KLC2: variants seen among roughly 807,000 people sequenced by gnomAD.
KLC2 encodes the protein kinesin light chain 2.
A neutral mutation model predicts 75.1 loss-of-function variants in KLC2; 35 were observed. The ratio of observed to expected loss-of-function variants is 0.47; its 90% confidence interval spans 0.36 to 0.62. The LOEUF (loss-of-function observed/expected upper bound fraction) is 0.62. KLC2 is among the 20% of genes least tolerant of loss of function. The probability of loss-of-function intolerance (pLI) is 0.00; values close to 1 mark genes in which losing one functional copy is unlikely to be tolerated. For synonymous variants in KLC2, 314 were observed against 336.7 expected (o/e 0.93, Z 0.74); for missense variants, 611 against 833.2 (o/e 0.73, Z 3.28).
the KLC2 span, among the ~76,000 whole-genome samples, chr11:66,250,440 A>G: frequency 3.3e-5 from 5 of 152,142 alleles, no homozygotes; most frequent in Admixed American, 6.5e-5. Context: ...GACTCAGGCC[A>G]TATCTCAGGG....
upstream of KLC2, among the ~76,000 whole-genome samples, chr11:66,254,094 C>T (rs932296981): frequency 2.6e-5 from 4 of 152,046 alleles, no homozygotes; most frequent in Non-Finnish European, 4.4e-5. Flanking sequence ...TGGTGGCAGG[C>T]GCCTGTAATC....
In KLC2 at chr11:66,264,437, T is replaced by C. The variant is rs959821525; in HGVS notation, c.1209T>C (p.Ser403=). The part of the protein sequence containing the change: ...LTRAHEKEFG[S]VNGDNKPIWM... ...GCGCTCATGAGAAAGAGTTTGGCTC[T>C]GTCAATGGTGAGTGCGTGGTCACCA... Residue 403 remains serine (S), a synonymous_variant, in exon 9 of 16, where the codon TCT becomes TCC. Transcript: ENST00000394067. The C allele has an allele frequency of 2.8e-5, 45 of 1,611,796 alleles. No homozygotes were observed. The highest frequency in any genetic ancestry group is 3.7e-5 in the Non-Finnish European group (44 of 1,178,654).
At position 66,258,846 on chromosome 11, in the gene KLC2, G is replaced by A. The variant is rs761031622; in HGVS notation, c.228+24G>A. The A allele has an allele frequency of 5.9e-6, 9 of 1,536,186 alleles. No individual in the cohort carries two copies. In the East Asian group the frequency reaches 1.4e-4, roughly 23 times the overall value. ...AGGTAGGTCAGTCTGGGGCACTGAG[G>A]TGGGAGGTCACTGGAGGGATCGAGC... On this transcript the variant is annotated intron_variant, in intron 2 of 15. Coordinates refer to ENST00000394067, the MANE Select transcript of KLC2 (RefSeq NM_001318734.2).
In KLC2 at chr11:66,263,772, G is replaced by A. The variant is rs1158157849; in HGVS notation, c.840+25G>A. The stretch of plus-strand genomic sequence containing the variant: ...CGTGAGTGAGGGTTGGGTGGGAGGT[G>A]GGGGCTGTGCCCCATCCCCTGCAGG... On this transcript the variant is annotated intron_variant, in intron 6 of 15. Coordinates refer to ENST00000394067, the MANE Select transcript of KLC2 (RefSeq NM_001318734.2). 2.5e-6 allele frequency: 4 copies of A among 1,605,160 alleles called. No individual in the cohort carries two copies. The East Asian group carries it at 8.9e-5, about 36-fold the overall frequency.
intron 4 of KLC2, 130 bp downstream of exon 4, chr11:66,262,322 A>G: frequency 1.4e-6 from 1 of 723,070 alleles, no homozygotes; most frequent in South Asian, 1.7e-5. Flanking sequence ...TAGAGCTTCA[A>G]GAACAGTTGT....
chr11:66,248,813 G>A, the KLC2 span, among the ~76,000 whole-genome samples: 1 of 152,164 alleles, frequency 6.6e-6, no homozygotes, highest in African/African-American at 2.4e-5. Context: ...GTTCACTGCA[G>A]CCTGGAACTC....
At chr11:66,264,587 G>A (rs1453127583) in intron 9 of KLC2, 143 bp downstream of exon 9, 1 of 685,222 alleles carries the variant, frequency 1.5e-6, no homozygotes, top group Non-Finnish European at 2.6e-6. Context: ...ATGGTGCCCA[G>A]CCACCTGTGC....
chr11:66,263,854 G>A lies in KLC2; in HGVS notation c.844G>A (p.Ala282Thr). ...KTLGKDHPAV[A>T]ATLNNLAVLY... ...GCTTCCGTTCTCCCACCTCCAGGTG[G>A]CTGCGACACTAAACAACCTGGCAGT... The change falls in exon 7 of 16, where the codon GCT becomes ACT. Residue 282 changes from alanine to threonine, a missense_variant. Transcript: ENST00000394067. 6.2e-7 allele frequency: 1 copy of A among 1,614,010 alleles called. No individual in the cohort carries two copies. Among genetic ancestry groups the A allele is most frequent in the Non-Finnish European group, 8.5e-7 (1 of 1,179,846 alleles).
Position 66,263,748 on chromosome 11 carries a change from G to A in KLC2, c.840+1G>A. Reference sequence around the variant, plus strand: ...AACACTGGGCAAGGACCACCCAGCCGTGAGTGAGGGTTGGGTGGGAGGTGG... The same window carrying A: ...AACACTGGGCAAGGACCACCCAGCCATGAGTGAGGGTTGGGTGGGAGGTGG... On this transcript the variant is annotated splice_donor_variant, in intron 6 of 15. Coordinates refer to ENST00000394067, the MANE Select transcript of KLC2 (RefSeq NM_001318734.2). LOFTEE classifies it high-confidence loss of function. 4 of 1,611,972 alleles carry A rather than the reference G, an allele frequency of 2.5e-6. No homozygotes were observed. Among genetic ancestry groups the A allele is most frequent in the Non-Finnish European group, 3.4e-6 (4 of 1,178,006 alleles).
At chr11:66,258,236 C>T in intron 1 of KLC2, 1 of 224,980 alleles carries the variant, frequency 4.4e-6, no homozygotes, top group Non-Finnish European at 8.8e-6. Context: ...GCCCGGATCG[C>T]CGGAGGGGCC....
chr11:66,265,573 C>T, intron 11 of KLC2, 82 bp from the exon 12 acceptor site: 1 of 1,174,504 alleles, frequency 8.5e-7, no homozygotes. Flanking sequence ...GTCCATGCTT[C>T]CTCAGGGCCC....
intron 9 of KLC2, 22 bp from the exon 10 acceptor site, chr11:66,265,001 A>G (rs1363190928): frequency 6.2e-7 from 1 of 1,612,144 alleles, no homozygotes; most frequent in Non-Finnish European, 8.5e-7. Context: ...TAGGCTGGTG[A>G]CAGTCCCCTT....
Position 66,265,760 on chromosome 11 carries a change from G to A in KLC2, c.1440G>A (p.Lys480=). 6.2e-7 allele frequency: 1 copy of A among 1,613,562 alleles called. No homozygotes were observed. Among genetic ancestry groups the A allele is most frequent in the Non-Finnish European group, 8.5e-7 (1 of 1,179,690 alleles). ...TLEDCASRNR[K]QGLDPASQTK... ...AGGACTGTGCCAGCCGTAACCGCAA[G>A]CAGGTGGGGCTCCATGCAGGAGGGG... The change falls in exon 12 of 16, where the codon AAG becomes AAA. Residue 480 remains lysine, a synonymous_variant. Coordinates refer to ENST00000394067, the MANE Select transcript of KLC2 (RefSeq NM_001318734.2).
chr11:66,266,570 C>T (rs1229139511), intron 15 of KLC2, 80 bp downstream of exon 15: 2 of 1,371,734 alleles, frequency 1.5e-6, no homozygotes, highest in South Asian at 2.3e-5. Context: ...CTCCAGCATG[C>T]CTCTTCATCC....
At chr11:66,258,420 C>A (rs1590855073) in intron 1 of KLC2, 164 bp from the exon 2 acceptor site, 1 of 597,496 alleles carries the variant, frequency 1.7e-6, no homozygotes, top group East Asian at 2.8e-5. Context: ...AAGCTAGGCG[C>A]GCCCTCTGTA....
chr11:66,255,013 AT>A (rs995407725), upstream of KLC2, among the ~76,000 whole-genome samples: 47 of 152,240 alleles, frequency 3.1e-4, 2 homozygotes, highest in African/African-American at 1.1e-3. Context: ...TAAGAAAGTT[AT>A]TTCTCAAAAG....
At chr11:66,244,609 A>G in the KLC2 span, 2 of 152,178 alleles carry the variant, frequency 1.3e-5, no homozygotes, top group Admixed American at 6.5e-5. Context: ...ACCTCCCCCA[A>G]GCTCTCCTCC....
At chr11:66,250,216 A>G in the KLC2 span, among the ~76,000 whole-genome samples, 1 of 152,080 alleles carries the variant, frequency 6.6e-6, no homozygotes, top group African/African-American at 2.4e-5. Flanking sequence ...AGAGTTCACT[A>G]TTACCTGCAG....
intron 11 of KLC2, 98 bp downstream of exon 11, chr11:66,265,333 C>T: frequency 9.5e-7 from 1 of 1,056,092 alleles, no homozygotes; most frequent in Non-Finnish European, 1.4e-6. Flanking sequence ...TGCTGCTCAT[C>T]TGGCAAGGCC....
Sources: allele counts gnomAD v4.1 joint callset (sites outside exome capture counted in the v4.1 genomes callset), GRCh38; gene constraint gnomAD v4.1.1; transcripts MANE v1.5; gene names NCBI Gene and HGNC (gene_info 2026-07-23, HGNC 2026-07-21).